The following HNF4G variants were observed in gnomAD, a reference collection of about 807,000 sequenced individuals.
HNF4G encodes the protein hepatocyte nuclear factor 4 gamma, also known as hepatocyte nuclear factor 4-gamma.
HNF4G carries 21 observed loss-of-function variants against 50.9 expected under a neutral mutation model. That is an observed-to-expected ratio of 0.41 (90% CI 0.29 to 0.59). The LOEUF (loss-of-function observed/expected upper bound fraction) is 0.59, where lower values mean the gene tolerates loss of function less well. Ranked by LOEUF, HNF4G falls within the 20% of genes least tolerant of loss-of-function variation. HNF4G has a pLI of 0.26. For synonymous variants in HNF4G, 198 were observed against 185.6 expected (o/e 1.07, Z -0.54); for missense variants, 527 against 559.4 (o/e 0.94, Z 0.58).
intron 9 of HNF4G, among the ~76,000 whole-genome samples, chr8:75,561,171 T>C (rs948778837): frequency 6.6e-6 from 1 of 152,174 alleles, no homozygotes; most frequent in African/African-American, 2.4e-5. Context: ...AGAATTCATT[T>C]AATGTGAAAT....
At chr8:75,432,431 C>T (rs1396134892) in intron 1 of HNF4G, among the ~76,000 whole-genome samples, 1 of 151,966 alleles carries the variant, frequency 6.6e-6, no homozygotes, top group Non-Finnish European at 1.5e-5. Flanking sequence ...ATTCTTGTGC[C>T]TCAGCCTCCC....
chr8:75,442,378 G>T (rs1477972781), intron 1 of HNF4G, among the ~76,000 whole-genome samples: 1 of 151,752 alleles, frequency 6.6e-6, no homozygotes, highest in Non-Finnish European at 1.5e-5. Context: ...TTATAAATAG[G>T]CAAGACTTTT....
chr8:75,425,677 C>A (rs1489515032), intron 1 of HNF4G, among the ~76,000 whole-genome samples: 2 of 150,932 alleles, frequency 1.3e-5, no homozygotes, highest in Non-Finnish European at 2.9e-5. Flanking sequence ...AAAAGTATCA[C>A]TGGGCTCCTA....
At chr8:75,455,288 A>G (rs1811693743) in intron 1 of HNF4G, among the ~76,000 whole-genome samples, 1 of 152,154 alleles carries the variant, frequency 6.6e-6, no homozygotes, top group African/African-American at 2.4e-5. Context: ...AAATTTAAGC[A>G]TTATATTCCA....
intron 3 of HNF4G, among the ~76,000 whole-genome samples, chr8:75,548,678 G>A (rs965009188): frequency 5.3e-5 from 8 of 152,038 alleles, no homozygotes; most frequent in African/African-American, 1.7e-4. Flanking sequence ...TTTTATACTT[G>A]TCAGTTTTGC....
At chr8:75,429,153 A>G (rs990604090) in intron 1 of HNF4G, among the ~76,000 whole-genome samples, 2 of 152,198 alleles carry the variant, frequency 1.3e-5, no homozygotes, top group African/African-American at 4.8e-5. Flanking sequence ...GGTGGTACCC[A>G]TCACAGAGAG....
chr8:75,460,069 C>T (rs1480006422), intron 1 of HNF4G, among the ~76,000 whole-genome samples: 1 of 84,588 alleles, frequency 1.2e-5, no homozygotes, highest in Non-Finnish European at 2.2e-5. Context: ...TCAATACGTA[C>T]GTTCTGAAGA....
At chr8:75,501,415 C>G (rs1162646383) in intron 2 of HNF4G, among the ~76,000 whole-genome samples, 2 of 152,120 alleles carry the variant, frequency 1.3e-5, no homozygotes, top group Non-Finnish European at 2.9e-5. Flanking sequence ...CACTCCAGCC[C>G]AGCTGACATA....
At chr8:75,507,876 T>C (rs2943575) in intron 2 of HNF4G, among the ~76,000 whole-genome samples, 79,778 of 151,994 alleles carry the variant, frequency 0.52, 23,321 homozygotes, top group African/African-American at 0.79. Flanking sequence ...AAGAAATAAA[T>C]GGAATTCTCA....
chr8:75,507,324 A>T, intron 2 of HNF4G, among the ~76,000 whole-genome samples: 1 of 145,462 alleles, frequency 6.9e-6, no homozygotes, highest in Non-Finnish European at 1.5e-5. Flanking sequence ...CAGCGGCGTG[A>T]TCTTGGCTCA....
rs536093620 is a variant in HNF4G at position 75,455,568 on chromosome 8, C to G, written c.-143-34521C>G. Reference sequence around the variant, plus strand: ...AACTATAATTTTCTGAATAATTCAACTTAAAGCAAAATGAAATGTGTGAGT... The same window carrying G: ...AACTATAATTTTCTGAATAATTCAAGTTAAAGCAAAATGAAATGTGTGAGT... On this transcript the variant is annotated intron_variant, in intron 1 of 10. Transcript: ENST00000354370. Among the ~76,000 whole-genome samples, 19 of 152,204 alleles carry G rather than the reference C, an allele frequency of 1.2e-4. No individual in the cohort carries two copies. In the South Asian group the frequency reaches 3.9e-3, roughly 32 times the overall value.
chr8:75,517,047 C>T (rs542924534), intron 2 of HNF4G, among the ~76,000 whole-genome samples: 21 of 152,236 alleles, frequency 1.4e-4, no homozygotes, highest in African/African-American at 4.1e-4. Flanking sequence ...GCACATCTCA[C>T]GTGGTGTCAG....
intron 2 of HNF4G, among the ~76,000 whole-genome samples, chr8:75,519,786 G>T (rs34358637): frequency 6.6e-6 from 1 of 152,008 alleles, no homozygotes; most frequent in South Asian, 2.1e-4. Flanking sequence ...ATCTGTTTAC[G>T]TCTTTGTATT....
At chr8:75,504,263 AC>A (rs759358813) in intron 2 of HNF4G, among the ~76,000 whole-genome samples, 21,716 of 128,190 alleles carry the variant, frequency 0.17, 2,570 homozygotes, top group African/African-American at 0.36. Flanking sequence ...ACACACACAC[AC>A]ACACACACAC....
At chr8:75,443,728 C>T (rs901025329) in intron 1 of HNF4G, among the ~76,000 whole-genome samples, 2 of 152,090 alleles carry the variant, frequency 1.3e-5, no homozygotes, top group African/African-American at 4.8e-5. Context: ...TTTCACCTAT[C>T]TATATTGTGT....
intron 1 of HNF4G, among the ~76,000 whole-genome samples, chr8:75,455,597 T>A (rs1234797594): frequency 4.6e-5 from 7 of 152,192 alleles, no homozygotes; most frequent in Admixed American, 4.6e-4. Context: ...TGTGAGTAAT[T>A]AAGAAAATGT....
At chr8:75,420,048 T>G (rs923143075) in intron 1 of HNF4G, among the ~76,000 whole-genome samples, 1 of 152,108 alleles carries the variant, frequency 6.6e-6, no homozygotes, top group African/African-American at 2.4e-5. Context: ...TTTCCTCTTA[T>G]GATATCAGAA....
chr8:75,438,913 A>AT (rs557733048), intron 1 of HNF4G, among the ~76,000 whole-genome samples: 10 of 151,182 alleles, frequency 6.6e-5, no homozygotes, highest in Non-Finnish European at 1.3e-4. Context: ...CTTCACTTTG[A>AT]TTTTTTTTCT....
intron 9 of HNF4G, among the ~76,000 whole-genome samples, chr8:75,561,093 C>T (rs1343730796): frequency 6.6e-6 from 1 of 152,118 alleles, no homozygotes; most frequent in Non-Finnish European, 1.5e-5. Flanking sequence ...GAGTTTTACT[C>T]GTTGGGAAGT....
Sources: allele counts gnomAD v4.1 joint callset (sites outside exome capture counted in the v4.1 genomes callset), GRCh38; gene constraint gnomAD v4.1.1; transcripts MANE v1.5; gene names NCBI Gene and HGNC (gene_info 2026-07-23, HGNC 2026-07-21).